The following RBM25 variants were observed in gnomAD, a reference collection of about 807,000 sequenced individuals.
The protein encoded by RBM25 is RNA-binding protein 25.
In RBM25, 19 loss-of-function variants were observed where a neutral mutation model predicts 120.7. That is an observed-to-expected ratio of 0.16 (90% CI 0.11 to 0.23). The LOEUF (loss-of-function observed/expected upper bound fraction) is 0.23, where lower values mean the gene tolerates loss of function less well. RBM25 is among the 10% of genes least tolerant of loss of function. The pLI is 1.00. For synonymous variants in RBM25, 390 were observed against 326.7 expected, an observed-to-expected ratio of 1.19 and a Z score of -2.09; for missense variants, 605 against 1,041.5, an observed-to-expected ratio of 0.58 and a Z score of 5.77.
chr14:73,067,173 G>A (rs909048739), intron 1 of RBM25, among the ~76,000 whole-genome samples: 3 of 148,796 alleles, frequency 2.0e-5, no homozygotes, highest in African/African-American at 7.4e-5. Context: ...AGGTTCAAGC[G>A]ATTCTCCTGC....
intron 9 of RBM25, chr14:73,099,969 A>G: frequency 1.7e-6 from 1 of 598,208 alleles, no homozygotes; most frequent in Non-Finnish European, 2.6e-6. Flanking sequence ...ACTATTCTGC[A>G]GTCATCTCAC....
chr14:73,069,348 T>C (rs1349045667), intron 1 of RBM25, among the ~76,000 whole-genome samples: 1 of 152,202 alleles, frequency 6.6e-6, no homozygotes, highest in Non-Finnish European at 1.5e-5. Context: ...TACCAAACTG[T>C]TGGGATTGGG....
intron 4 of RBM25, among the ~76,000 whole-genome samples, chr14:73,083,197 T>C (rs933549180): frequency 6.6e-6 from 1 of 152,224 alleles, no homozygotes; most frequent in African/African-American, 2.4e-5. Flanking sequence ...ATTTTAGGCA[T>C]TTAGGTTTAC....
chr14:73,115,689 A>G (rs1446791812), intron 18 of RBM25, among the ~76,000 whole-genome samples: 1 of 152,228 alleles, frequency 6.6e-6, no homozygotes, highest in Non-Finnish European at 1.5e-5. Context: ...TTGATGGTAA[A>G]GGTTGAGCAA....
intron 1 of RBM25, chr14:73,059,251 C>G (rs915302890): frequency 6.6e-6 from 1 of 152,184 alleles, no homozygotes; most frequent in Admixed American, 6.6e-5. Context: ...GGGCCCCACC[C>G]CCTTGGAATT....
chr14:73,097,888 AG>A (rs773003635), intron 7 of RBM25, among the ~76,000 whole-genome samples: 1 of 152,206 alleles, frequency 6.6e-6, no homozygotes, highest in Non-Finnish European at 1.5e-5. Context: ...CTAATTGTCC[AG>A]GTTGAAAGAA....
At chr14:73,108,419 G>A (rs980969540) in intron 13 of RBM25, among the ~76,000 whole-genome samples, 1 of 152,116 alleles carries the variant, frequency 6.6e-6, no homozygotes, top group Non-Finnish European at 1.5e-5. Context: ...AGAAATTTTG[G>A]TCTTCTAGCA....
chr14:73,076,896 A>G (rs978033478), intron 3 of RBM25, among the ~76,000 whole-genome samples: 33 of 152,210 alleles, frequency 2.2e-4, no homozygotes, highest in African/African-American at 7.7e-4. Context: ...CCTGGCCAAC[A>G]TGGTGAAACC....
At chr14:73,110,434 T>G (rs1404109546) in intron 14 of RBM25, among the ~76,000 whole-genome samples, 1 of 151,600 alleles carries the variant, frequency 6.6e-6, no homozygotes, top group African/African-American at 2.4e-5. Context: ...TTTTTCTTTT[T>G]CTTTTTCTTT....
In RBM25 at chr14:73,083,898, CT is replaced by C. The variant is rs146202316; in HGVS notation, c.382+364del. Reference sequence around the variant, plus strand: ...AGAAGAGACAATCATGGCCTGTTAACTTTTTTTTTTTTTTTTTGAGACCTAG... The same window carrying C: ...AGAAGAGACAATCATGGCCTGTTAACTTTTTTTTTTTTTTTTGAGACCTAG... On this transcript the variant is annotated intron_variant, in intron 5 of 18. Coordinates refer to ENST00000261973, the MANE Select transcript of RBM25 (RefSeq NM_021239.3). 7.6e-3 allele frequency among the ~76,000 whole-genome samples: 1,072 copies of C among 141,134 alleles called. 3 individuals are homozygous for C. Among genetic ancestry groups the C allele is most frequent in the African/African-American group, 0.02 (759 of 38,636 alleles). The allele number at this position is 141,134 out of a possible 152,430, so 92.6% of individuals were successfully genotyped here. A position where few individuals can be genotyped will look rare whatever the true frequency, so the allele number is the denominator to read the frequency against.
At chr14:73,067,752 T>C (rs1413507374) in intron 1 of RBM25, among the ~76,000 whole-genome samples, 2 of 151,800 alleles carry the variant, frequency 1.3e-5, no homozygotes, top group South Asian at 2.1e-4. Flanking sequence ...TACAGGCGCC[T>C]GCCACCGCAC....
intron 4 of RBM25, among the ~76,000 whole-genome samples, chr14:73,079,420 C>G (rs1359464796): frequency 6.6e-6 from 1 of 150,572 alleles, no homozygotes; most frequent in Non-Finnish European, 1.5e-5. Context: ...TAGACTTTGT[C>G]TCACACACAA....
chr14:73,109,214 C>A, intron 13 of RBM25, 128 bp from the exon 14 acceptor site: 2 of 970,530 alleles, frequency 2.1e-6, no homozygotes, highest in Admixed American at 4.5e-5. Context: ...AGATACAGAA[C>A]ATTAAGACAT....
intron 7 of RBM25, among the ~76,000 whole-genome samples, chr14:73,097,542 C>G (rs1817347417): frequency 1.3e-5 from 2 of 152,102 alleles, no homozygotes; most frequent in African/African-American, 2.4e-5. Context: ...ACTATGTTTT[C>G]TAGGCTGGTC....
chr14:73,114,138 G>C, intron 17 of RBM25, 148 bp from the exon 18 acceptor site: 1 of 555,294 alleles, frequency 1.8e-6, no homozygotes, highest in Non-Finnish European at 3.0e-6. Flanking sequence ...GTTGAAGAAT[G>C]ATATTCTGAA....
chr14:73,105,935 CGGGAGCGAGAGA>C lies in RBM25; in HGVS notation c.1233_1244del (p.Arg423_Glu426del). The stretch of plus-strand genomic sequence containing the variant: ...GAGAGAACGAGAGCGAGAACGAGAA[CGGGAGCGAGAGA>C]GAGAGCGAGAGAGGGAACGGGAGCG... On this transcript the variant is annotated inframe_deletion, in exon 11 of 19. Coordinates refer to ENST00000261973, the MANE Select transcript of RBM25 (RefSeq NM_021239.3). 1 of 1,610,210 alleles carries C rather than the reference CGGGAGCGAGAGA, an allele frequency of 6.2e-7. No individual in the cohort carries two copies. The highest frequency in any genetic ancestry group is 1.1e-5 in the South Asian group (1 of 90,716).
chr14:73,115,529 T>C (rs1183834400), intron 18 of RBM25, among the ~76,000 whole-genome samples: 1 of 152,244 alleles, frequency 6.6e-6, no homozygotes, highest in Non-Finnish European at 1.5e-5. Context: ...CACAAGATTG[T>C]ACATATGTGC....
chr14:73,098,503 A>C (rs915601309), intron 7 of RBM25, among the ~76,000 whole-genome samples: 1 of 152,180 alleles, frequency 6.6e-6, no homozygotes, highest in Non-Finnish European at 1.5e-5. Flanking sequence ...TTAGTTATGA[A>C]TGGATGGTTA....
At chr14:73,068,977 C>T (rs535357098) in intron 1 of RBM25, among the ~76,000 whole-genome samples, 2 of 152,272 alleles carry the variant, frequency 1.3e-5, no homozygotes, top group South Asian at 4.1e-4. Context: ...GATCTCAGCT[C>T]AGTGCAAACT....
Sources: allele counts gnomAD v4.1 joint callset (sites outside exome capture counted in the v4.1 genomes callset), GRCh38; gene constraint gnomAD v4.1.1; transcripts MANE v1.5; gene names NCBI Gene and HGNC (gene_info 2026-07-23, HGNC 2026-07-21).